The following ZDHHC9 variants were observed in gnomAD, a reference collection of about 807,000 sequenced individuals.
ZDHHC9 encodes zDHHC palmitoyltransferase 9.
Under a neutral mutation model 26.6 loss-of-function variants are expected in ZDHHC9, and 3 were observed. That is an observed-to-expected ratio of 0.11 (90% CI 0.05 to 0.29). The LOEUF is 0.29. Ranked by LOEUF, ZDHHC9 falls within the 10% of genes least tolerant of loss-of-function variation. The probability of loss-of-function intolerance (pLI) is 1.00; values close to 1 mark genes in which losing one functional copy is unlikely to be tolerated. For synonymous variants in ZDHHC9, 111 were observed against 109.4 expected (o/e 1.01, Z -0.09); for missense variants, 146 against 296.4 (o/e 0.49, Z 3.73).
At chrX:129,836,427 G>A (rs531765048) in intron 3 of ZDHHC9, among the ~76,000 whole-genome samples, 32 of 111,502 alleles carry the variant, frequency 2.9e-4, no homozygotes, top group African/African-American at 1.0e-3. Context: ...GGGAATACAG[G>A]TGTGCACCAC....
chrX:129,826,838 T>C (rs750745977), intron 4 of ZDHHC9, among the ~76,000 whole-genome samples: 1 of 111,496 alleles, frequency 9.0e-6, no homozygotes, highest in Admixed American at 9.5e-5. Context: ...TAAAACAGGC[T>C]GGAATTTTTC....
chrX:129,813,556 T>G lies in ZDHHC9; in HGVS notation c.674+121A>C, dbSNP rs1024493386. 2.5e-4 allele frequency: 181 copies of G among 738,738 alleles called. 1 individual carries two copies. The East Asian group carries it at 6.0e-3, about 25-fold the overall frequency. 60.9% of individuals were successfully genotyped at this position (738,738 alleles called of 1,213,427 possible). On this transcript the variant is annotated intron_variant, in intron 7 of 10. Transcript: ENST00000357166. The stretch of plus-strand genomic sequence containing the variant: ...ACTAAGACTATATTTTTTTAAATTA[T>G]TTTAGACCTTGGCACTCTCTGATAT...
intron 3 of ZDHHC9, among the ~76,000 whole-genome samples, chrX:129,839,544 C>G (rs1712410381): frequency 9.0e-6 from 1 of 111,170 alleles, no homozygotes; most frequent in Non-Finnish European, 1.9e-5. Flanking sequence ...ACATTCTGCT[C>G]CCCAAACCCT....
chrX:129,824,117 A>T (rs1434637008), intron 4 of ZDHHC9, among the ~76,000 whole-genome samples: 1 of 112,164 alleles, frequency 8.9e-6, no homozygotes, highest in Non-Finnish European at 1.9e-5. Context: ...TTAAATGAAA[A>T]CATCCAATTT....
intron 2 of ZDHHC9, among the ~76,000 whole-genome samples, chrX:129,842,617 C>G (rs1857991237): frequency 8.9e-6 from 1 of 112,818 alleles, no homozygotes; most frequent in Non-Finnish European, 1.9e-5. Context: ...ATTAGCCACT[C>G]GAATATGAAT....
rs1927484969 is a variant in ZDHHC9 at position 129,805,215 on chromosome X, G to A, written c.*1155C>T. On this transcript the variant is annotated 3_prime_UTR_variant, in exon 11 of 11. Transcript: ENST00000357166. ...GAGCGGGGCTTGGAGGAAGCCCCCA[G>A]TGTGGTTACCATAGCCAGAGGTGGG... 8.9e-6 allele frequency: 1 copy of A among 112,711 alleles called. No homozygotes were observed. Among genetic ancestry groups the A allele is most frequent in the Non-Finnish European group, 1.9e-5 (1 of 53,226 alleles). The allele number at this position is 112,711 out of a possible 1,213,427, so 9.3% of individuals were successfully genotyped here. A position where few individuals can be genotyped will look rare whatever the true frequency, so the allele number is the denominator to read the frequency against.
intron 10 of ZDHHC9, 25 bp downstream of exon 10, chrX:129,810,880 C>A (rs747185240): frequency 8.5e-7 from 1 of 1,182,198 alleles, no homozygotes; most frequent in Non-Finnish European, 1.1e-6. Context: ...CTATATCGAC[C>A]CAGCCTTAAG....
intron 3 of ZDHHC9, among the ~76,000 whole-genome samples, chrX:129,840,989 C>T (rs750919654): frequency 4.5e-5 from 5 of 110,737 alleles, no homozygotes; most frequent in African/African-American, 1.6e-4. Flanking sequence ...AAGGCCTCCT[C>T]ACAGTAATCC....
intron 3 of ZDHHC9, among the ~76,000 whole-genome samples, chrX:129,834,590 A>T (rs756186505): frequency 8.9e-6 from 1 of 112,083 alleles, no homozygotes; most frequent in Non-Finnish European, 1.9e-5. Flanking sequence ...ATCTCTATCC[A>T]GGTAAACCCG....
intron 10 of ZDHHC9, among the ~76,000 whole-genome samples, chrX:129,809,239 T>C (rs1293287128): frequency 8.9e-6 from 1 of 112,008 alleles, no homozygotes; most frequent in East Asian, 2.8e-4. Flanking sequence ...AATGAAAATA[T>C]ATGGCCATGC....
At position 129,811,408 on chromosome X, in the gene ZDHHC9, G is replaced by A. The variant is rs1453742267; in HGVS notation, c.879C>T (p.Pro293=). The A allele has an allele frequency of 8.3e-7, 1 of 1,206,110 alleles. No individual in the cohort carries two copies. Among genetic ancestry groups the A allele is most frequent in the Non-Finnish European group, 1.1e-6 (1 of 891,467 alleles). The change falls in exon 9 of 11, where the codon CCC becomes CCT. Residue 293 remains proline, a splice_region_variant and synonymous_variant. Coordinates refer to ENST00000357166, the MANE Select transcript of ZDHHC9 (RefSeq NM_016032.4). ...CCEVLCGPLP[P]SVLDRRGILP... is the part of the protein sequence containing the mutation. Reference sequence around the variant, plus strand: ...GGACTTTTGAGTGCCCTGAGCACCTGGGGGGCAAGGGGCCACACAGCACTT... The same window carrying A: ...GGACTTTTGAGTGCCCTGAGCACCTAGGGGGCAAGGGGCCACACAGCACTT...
chrX:129,828,955 G>C, intron 4 of ZDHHC9, 26 bp downstream of exon 4: 1 of 1,210,998 alleles, frequency 8.3e-7, no homozygotes, highest in Non-Finnish European at 1.1e-6. Context: ...CTACACAGCA[G>C]CTTGCCAGCT....
At position 129,803,428 on chromosome X, in the gene ZDHHC9, C is replaced by T. The variant is rs763063692; in HGVS notation, c.*2942G>A. The T allele has an allele frequency of 8.9e-6, 1 of 112,817 alleles. No homozygotes were observed. The highest frequency in any genetic ancestry group is 3.7e-4 in the South Asian group (1 of 2,727). The allele number at this position is 112,817 out of a possible 1,213,427, so 9.3% of individuals were successfully genotyped here. ...CAACACATACACATTTGTAGGCTCA[C>T]ACAAAAGTGCAGAGATTTACATATT... On this transcript the variant is annotated 3_prime_UTR_variant, in exon 11 of 11. Coordinates refer to ENST00000357166, the MANE Select transcript of ZDHHC9 (RefSeq NM_016032.4).
intron 3 of ZDHHC9, 71 bp from the exon 4 acceptor site, chrX:129,829,212 T>TAA: frequency 9.1e-7 from 1 of 1,102,391 alleles, no homozygotes; most frequent in Non-Finnish European, 1.2e-6. Context: ...TACCAGTATG[T>TAA]CAATCTGGCC....
chrX:129,827,927 G>A (rs911966871), intron 4 of ZDHHC9, among the ~76,000 whole-genome samples: 1 of 111,695 alleles, frequency 9.0e-6, no homozygotes, highest in Non-Finnish European at 1.9e-5. Context: ...AGCGATTCTC[G>A]TGCCTCAGCC....
intron 3 of ZDHHC9, among the ~76,000 whole-genome samples, chrX:129,835,865 T>C (rs1200796286): frequency 8.9e-6 from 1 of 112,472 alleles, no homozygotes; most frequent in East Asian, 2.8e-4. Flanking sequence ...GGAAGAACTC[T>C]CTCTCAAGGA....
chrX:129,835,407 A>C (rs1335715231), intron 3 of ZDHHC9, among the ~76,000 whole-genome samples: 1 of 104,570 alleles, frequency 9.6e-6, no homozygotes. Flanking sequence ...AGATCACACC[A>C]CTGCACTCCA....
At chrX:129,815,323 C>T (rs750863011) in intron 5 of ZDHHC9, among the ~76,000 whole-genome samples, 4 of 112,130 alleles carry the variant, frequency 3.6e-5, no homozygotes, top group Non-Finnish European at 7.5e-5. Context: ...ATTCCATAAA[C>T]AATTACGTGA....
At chrX:129,822,760 A>G (rs1426967526) in intron 5 of ZDHHC9, 1 of 111,864 alleles carries the variant, frequency 8.9e-6, no homozygotes, top group Non-Finnish European at 1.9e-5. Flanking sequence ...ACCTTTGCCT[A>G]AAGAAATGGC....
Sources: gnomAD v4.1 joint callset for allele counts (sites outside exome capture counted in the v4.1 genomes callset) on GRCh38, gnomAD v4.1.1 for gene constraint, MANE v1.5 for transcripts, NCBI Gene and HGNC (gene_info 2026-07-23, HGNC 2026-07-21) for gene names.